NAV2: variants seen among roughly 807,000 people sequenced by gnomAD.
The protein encoded by NAV2 is helicase, APC down-regulated 1.
A neutral mutation model predicts 223.2 loss-of-function variants in NAV2; 54 were observed. The ratio of observed to expected loss-of-function variants is 0.24; its 90% confidence interval spans 0.19 to 0.30. The LOEUF is 0.30. NAV2 is among the 10% of genes least tolerant of loss of function. NAV2 has a pLI of 1.00. For synonymous variants in NAV2, 1,279 were observed against 1,239.3 expected, an observed-to-expected ratio of 1.03 and a Z score of -0.67; for missense variants, 2,806 against 3,147.5, an observed-to-expected ratio of 0.89 and a Z score of 2.60.
chr11:19,817,812 C>T (rs1174599038), intron 1 of NAV2, among the ~76,000 whole-genome samples: 3 of 152,196 alleles, frequency 2.0e-5, no homozygotes, highest in African/African-American at 7.2e-5. Flanking sequence ...CTCACTTGCT[C>T]CTGTCCCTTC....
Position 20,045,556 on chromosome 11 carries a change from C to T in NAV2, c.3788C>T (p.Ala1263Val). ...KGISSDNESV[A>V]SCNSVKVNPA... ...ATCTCATCAGACAACGAGAGTGTGG[C>T]TTCCTGTAACTCGGTGAAAGTGAAT... The change falls in exon 14 of 38, where the codon GCT (alanine) becomes GTT (valine). Residue 1263 changes from alanine to valine, a missense_variant. Transcript: ENST00000349880. 1 of 1,614,182 alleles carries T rather than the reference C, an allele frequency of 6.2e-7. No homozygotes were observed. Among genetic ancestry groups the T allele is most frequent in the Non-Finnish European group, 8.5e-7 (1 of 1,180,022 alleles).
intron 25 of NAV2, 119 bp downstream of exon 25, chr11:20,080,328 C>A: frequency 1.1e-6 from 1 of 922,106 alleles, no homozygotes; most frequent in Non-Finnish European, 1.6e-6. Context: ...GCACTTTGGG[C>A]GTAGATCCCA....
chr11:19,744,975 T>C (rs2053217193), intron 1 of NAV2, among the ~76,000 whole-genome samples: 1 of 152,218 alleles, frequency 6.6e-6, no homozygotes, highest in South Asian at 2.1e-4. Flanking sequence ...TATAGGACTG[T>C]AAGATAGGTG....
intron 1 of NAV2, among the ~76,000 whole-genome samples, chr11:19,676,014 G>A (rs2048702248): frequency 2.0e-5 from 3 of 152,172 alleles, no homozygotes; most frequent in Admixed American, 2.0e-4. Context: ...GAGTGAGGAA[G>A]GTGACCTTCA....
chr11:19,391,265 C>T (rs1300408448), intron 1 of NAV2, among the ~76,000 whole-genome samples: 1 of 152,164 alleles, frequency 6.6e-6, no homozygotes, highest in East Asian at 1.9e-4. Flanking sequence ...TGTCCCCCTG[C>T]TTCACCCTTA....
chr11:19,995,065 T>A (rs1349626461), intron 11 of NAV2, among the ~76,000 whole-genome samples: 2 of 152,118 alleles, frequency 1.3e-5, no homozygotes, highest in Admixed American at 6.6e-5. Flanking sequence ...AGGAAAGGAG[T>A]GCAGTAGGAA....
chr11:19,514,398 C>G (rs573631066), intron 1 of NAV2, among the ~76,000 whole-genome samples: 57 of 152,164 alleles, frequency 3.7e-4, no homozygotes, highest in Non-Finnish European at 4.1e-4. Flanking sequence ...TGCGGTTTTT[C>G]TGACCTTATT....
chr11:19,911,766 A>G (rs758767578), intron 6 of NAV2, among the ~76,000 whole-genome samples: 1 of 152,202 alleles, frequency 6.6e-6, no homozygotes, highest in Non-Finnish European at 1.5e-5. Context: ...CAAAGGCGGA[A>G]AGACTCCAAA....
chr11:19,997,231 G>A (rs960588638), intron 11 of NAV2, among the ~76,000 whole-genome samples: 1 of 152,184 alleles, frequency 6.6e-6, no homozygotes, highest in Non-Finnish European at 1.5e-5. Flanking sequence ...TGAGTGCAGG[G>A]ACGACTTTGG....
At chr11:19,587,517 TC>T (rs956114621) in intron 1 of NAV2, among the ~76,000 whole-genome samples, 9 of 152,222 alleles carry the variant, frequency 5.9e-5, no homozygotes, top group African/African-American at 2.2e-4. Flanking sequence ...CCACCTTGGC[TC>T]CCAGCTCCAC....
At chr11:19,535,508 T>A (rs1193919732) in intron 1 of NAV2, among the ~76,000 whole-genome samples, 1 of 152,216 alleles carries the variant, frequency 6.6e-6, no homozygotes, top group South Asian at 2.1e-4. Flanking sequence ...GCTTGCCATT[T>A]GTACCGGGTG....
chr11:20,004,837 C>T (rs1218231788), intron 11 of NAV2, among the ~76,000 whole-genome samples: 2 of 152,114 alleles, frequency 1.3e-5, no homozygotes, highest in African/African-American at 4.8e-5. Flanking sequence ...TGGTGCAAGA[C>T]CTTGAACCCA....
chr11:20,049,899 C>T lies in NAV2; in HGVS notation c.4434C>T (p.Asp1478=), dbSNP rs1235407995. The change falls in exon 16 of 38, where the codon GAC becomes GAT. Residue 1478 remains aspartate (D), a splice_region_variant and synonymous_variant. Coordinates refer to ENST00000349880, the MANE Select transcript of NAV2 (RefSeq NM_145117.5). ...FCRSTLPRKQ[D]SDPHLDRNTL... Reference sequence around the variant, plus strand: ...GAAGTACTCTGCCCAGGAAACAGGACAGGTAATGACATTGCAGGCCGGGGA... The same window carrying T: ...GAAGTACTCTGCCCAGGAAACAGGATAGGTAATGACATTGCAGGCCGGGGA... 6.2e-7 allele frequency: 1 copy of T among 1,613,962 alleles called. No individual in the cohort carries two copies. Among genetic ancestry groups the T allele is most frequent in the African/African-American group, 1.3e-5 (1 of 74,916 alleles).
At chr11:19,967,526 G>A (rs1242631111) in intron 10 of NAV2, among the ~76,000 whole-genome samples, 1 of 152,112 alleles carries the variant, frequency 6.6e-6, no homozygotes, top group African/African-American at 2.4e-5. Context: ...GGTTCCAGGG[G>A]ACCAAACTTG....
rs537618663 is a variant in NAV2 at position 19,859,024 on chromosome 11, C to T, written c.439-9901C>T. Among the ~76,000 whole-genome samples, 67 of 151,812 alleles carry T rather than the reference C, an allele frequency of 4.4e-4. 1 individual carries two copies. Among genetic ancestry groups the T allele is most frequent in the Admixed American group, 4.4e-3 (67 of 15,236 alleles). ...TGGTGGGAGATAGATATCAGCATTT[C>T]ATGTTACAGATGACAAATCTAAGGC... is the stretch of plus-strand genomic sequence containing the variant. On this transcript the variant is annotated intron_variant, in intron 3 of 37. Transcript: ENST00000349880.
intron 25 of NAV2, among the ~76,000 whole-genome samples, chr11:20,081,259 A>C (rs2060073998): frequency 6.6e-6 from 1 of 152,190 alleles, no homozygotes; most frequent in African/African-American, 2.4e-5. Flanking sequence ...AATGGCTCTT[A>C]GTCAACTTAT....
At chr11:19,498,873 G>T (rs1160102568) in intron 1 of NAV2, among the ~76,000 whole-genome samples, 1 of 152,180 alleles carries the variant, frequency 6.6e-6, no homozygotes, top group Non-Finnish European at 1.5e-5. Flanking sequence ...GTTCAGCCAG[G>T]TTTAATTCAC....
In NAV2 at chr11:19,713,457, G is replaced by A. The variant is rs1590137173; in HGVS notation, c.-239G>A. 12 of 1,320,988 alleles carry A rather than the reference G, an allele frequency of 9.1e-6. No homozygotes were observed. In the East Asian group the frequency reaches 3.5e-4, roughly 38 times the overall value. 81.8% of individuals were successfully genotyped at this position (1,320,988 alleles called of 1,614,324 possible). A position where few individuals can be genotyped will look rare whatever the true frequency, so the allele number is the denominator to read the frequency against. On this transcript the variant is annotated 5_prime_UTR_variant, in exon 1 of 38. Coordinates refer to ENST00000349880, the MANE Select transcript of NAV2 (RefSeq NM_145117.5). This position sits in a 1 kb window ranked among gnomAD's most constrained non-coding sequence, Gnocchi z 7.2. ...GGTGTGAGACCCGGCGGCAGCATCC[G>A]TCCAGGTGGGACCCGCTGAGCGCCG...
intron 1 of NAV2, among the ~76,000 whole-genome samples, chr11:19,415,927 T>A (rs891322760): frequency 6.6e-5 from 10 of 152,072 alleles, no homozygotes; most frequent in Non-Finnish European, 1.2e-4. Context: ...ATAAACCAAG[T>A]ATTGATGGAA....
Sources: gnomAD v4.1 joint callset for allele counts (sites outside exome capture counted in the v4.1 genomes callset) on GRCh38, gnomAD v4.1.1 for gene constraint, Gnocchi (gnomAD v3.1) non-coding constraint, MANE v1.5 for transcripts, NCBI Gene and HGNC (gene_info 2026-07-23, HGNC 2026-07-21) for gene names.